RIT2: variants seen among roughly 807,000 people sequenced by gnomAD.
RIT2 encodes the protein GTP-binding protein Rit2.
RIT2 carries 24 observed loss-of-function variants against 23.7 expected under a neutral mutation model. The ratio of observed to expected loss-of-function variants is 1.01; its 90% CI spans 0.73 to 1.43. The LOEUF is 1.43. Among genes scored for constraint, RIT2 ranks in the 40% most tolerant of loss-of-function variants. The probability of loss-of-function intolerance (pLI) is 0.00; values close to 1 mark genes in which losing one functional copy is unlikely to be tolerated. For missense variants in RIT2, 236 were observed against 266.9 expected, an observed-to-expected ratio of 0.88 and a Z score of 0.81; for synonymous variants, 107 against 91.1, an observed-to-expected ratio of 1.17 and a Z score of -0.99.
At chr18:43,049,068 A>G (rs1308787146) in intron 1 of RIT2, among the ~76,000 whole-genome samples, 1 of 152,148 alleles carries the variant, frequency 6.6e-6, no homozygotes, top group Non-Finnish European at 1.5e-5. Flanking sequence ...TTAATACATA[A>G]ATTGTAGCAT....
chr18:42,777,490 C>CG (rs1913701178), intron 4 of RIT2, among the ~76,000 whole-genome samples: 2 of 152,036 alleles, frequency 1.3e-5, no homozygotes, highest in South Asian at 4.2e-4. Flanking sequence ...GGAAAATAAC[C>CG]GGGGAAATGT....
intron 1 of RIT2, among the ~76,000 whole-genome samples, chr18:43,101,592 G>A (rs1913685775): frequency 6.6e-6 from 1 of 152,178 alleles, no homozygotes. Flanking sequence ...ATTAGTGGGA[G>A]AACTGAATTT....
chr18:42,918,869 C>T (rs1908982364), intron 4 of RIT2, among the ~76,000 whole-genome samples: 1 of 152,242 alleles, frequency 6.6e-6, no homozygotes, highest in South Asian at 2.1e-4. Context: ...CACCATTCAC[C>T]TTATCTTTCT....
intron 4 of RIT2, among the ~76,000 whole-genome samples, chr18:42,833,053 C>CAAAAAAAAA: frequency 1.3e-5 from 1 of 77,894 alleles, no homozygotes; most frequent in Non-Finnish European, 2.5e-5. Flanking sequence ...GACTTCATCT[C>CAAAAAAAAA]AAAAAAAAAA....
chr18:42,855,481 C>A (rs1907157347), intron 4 of RIT2, among the ~76,000 whole-genome samples: 1 of 152,138 alleles, frequency 6.6e-6, no homozygotes, highest in African/African-American at 2.4e-5. Flanking sequence ...TGTGATAACT[C>A]ACTTTTCCTG....
At chr18:42,924,194 G>A (rs1462743101) in intron 3 of RIT2, among the ~76,000 whole-genome samples, 1 of 152,060 alleles carries the variant, frequency 6.6e-6, no homozygotes, top group African/African-American at 2.4e-5. Flanking sequence ...AATGAAAGTT[G>A]GTTTGTATAG....
intron 4 of RIT2, among the ~76,000 whole-genome samples, chr18:42,880,957 G>A (rs981586906): frequency 1.6e-4 from 25 of 151,752 alleles, no homozygotes; most frequent in Non-Finnish European, 5.9e-5. Flanking sequence ...ACAGACATGC[G>A]CCACCATGCC....
intron 4 of RIT2, among the ~76,000 whole-genome samples, chr18:42,815,944 G>A (rs919297930): frequency 6.6e-6 from 1 of 152,086 alleles, no homozygotes; most frequent in Non-Finnish European, 1.5e-5. Flanking sequence ...TGTTGAAAAC[G>A]TCATTAATTA....
At chr18:42,915,112 T>C (rs1318833031) in intron 4 of RIT2, among the ~76,000 whole-genome samples, 1 of 151,380 alleles carries the variant, frequency 6.6e-6, no homozygotes, top group African/African-American at 2.4e-5. Flanking sequence ...CAGTATTGTC[T>C]TGAATTATCT....
At chr18:43,075,944 C>A (rs764333517) in intron 1 of RIT2, among the ~76,000 whole-genome samples, 2 of 152,064 alleles carry the variant, frequency 1.3e-5, no homozygotes, top group Admixed American at 6.6e-5. Context: ...AGGGTATTTG[C>A]GAGATCCTGC....
intron 1 of RIT2, among the ~76,000 whole-genome samples, chr18:43,111,814 A>G (rs2144254056): frequency 6.6e-6 from 1 of 152,252 alleles, no homozygotes; most frequent in East Asian, 1.9e-4. Context: ...CAATGGTGTC[A>G]GAAGGACTGG....
chr18:42,906,905 C>T (rs1908637710), intron 4 of RIT2, among the ~76,000 whole-genome samples: 1 of 152,290 alleles, frequency 6.6e-6, no homozygotes, highest in Admixed American at 6.5e-5. Flanking sequence ...TATTGTCTTT[C>T]TCTCATTCCT....
In RIT2 at chr18:42,862,151, G is replaced by T. The variant is rs575359014; in HGVS notation, c.426+61421C>A. The stretch of plus-strand genomic sequence containing the variant: ...TTGCAATCCCCATGTACTAAGGGAG[G>T]GACCTGGTGAGAGATGATTGGATCA... On this transcript the variant is annotated intron_variant, in intron 4 of 4. Transcript: ENST00000326695. Among the ~76,000 whole-genome samples the T allele has an allele frequency of 5.0e-3, 763 of 152,232 alleles. 3 individuals carry two copies. Among genetic ancestry groups the T allele is most frequent in the Non-Finnish European group, 8.4e-3 (569 of 68,024 alleles).
chr18:42,977,914 T>C (rs1910510464), intron 2 of RIT2, among the ~76,000 whole-genome samples: 1 of 151,058 alleles, frequency 6.6e-6, no homozygotes. Flanking sequence ...TCCACTGCTC[T>C]TTGTACATTC....
Position 43,029,068 on chromosome 18 carries a change from T to A in RIT2, c.160+4743A>T, listed in dbSNP as rs1598753523. 4.6e-5 allele frequency among the ~76,000 whole-genome samples: 7 copies of A among 152,096 alleles called. 1 individual carries two copies. Among genetic ancestry groups the A allele is most frequent in the Admixed American group, 4.6e-4 (7 of 15,244 alleles). On this transcript the variant is annotated intron_variant, in intron 2 of 4. Transcript: ENST00000326695. ...TGTCTATATTGTTGATGTACTTTGC[T>A]GCTTATATAAAGTCCTTGTTTTTTA...
chr18:42,853,410 G>T (rs574103486), intron 4 of RIT2, among the ~76,000 whole-genome samples: 16 of 152,138 alleles, frequency 1.1e-4, no homozygotes, highest in Non-Finnish European at 2.4e-4. Context: ...TTGAAACATA[G>T]CAACTGAATC....
At chr18:43,071,081 T>A (rs1239002257) in intron 1 of RIT2, among the ~76,000 whole-genome samples, 1 of 152,226 alleles carries the variant, frequency 6.6e-6, no homozygotes, top group Non-Finnish European at 1.5e-5. Context: ...AATAATTTTC[T>A]GGGTTTCTCC....
chr18:43,080,117 C>T lies in RIT2; in HGVS notation c.103+35300G>A, dbSNP rs1269084126. ...TCTTTGTATTTATTAGTAACTAAGACCTCTGGGTCTAATAGACTTTCAGGC... is the reference window on the plus strand; with the variant it reads ...TCTTTGTATTTATTAGTAACTAAGATCTCTGGGTCTAATAGACTTTCAGGC... On this transcript the variant is annotated intron_variant, in intron 1 of 4. Transcript: ENST00000326695. Among the ~76,000 whole-genome samples, 4 of 152,306 alleles carry T rather than the reference C, an allele frequency of 2.6e-5. No homozygotes were observed. In the East Asian group the frequency reaches 7.7e-4, roughly 29 times the overall value.
At chr18:42,913,297 G>T (rs1245733070) in intron 4 of RIT2, among the ~76,000 whole-genome samples, 2 of 150,194 alleles carry the variant, frequency 1.3e-5, no homozygotes, top group East Asian at 3.9e-4. Context: ...GAACATAAAA[G>T]AAACTCATGG....
Sources: allele counts gnomAD v4.1 joint callset (sites outside exome capture counted in the v4.1 genomes callset), GRCh38; gene constraint gnomAD v4.1.1; transcripts MANE v1.5; gene names NCBI Gene and HGNC (gene_info 2026-07-23, HGNC 2026-07-21).